Variants in CSMD1 observed in about 807,000 individuals in gnomAD.
CSMD1 encodes CUB and Sushi multiple domains 1.
CSMD1 carries 213 observed loss-of-function variants against 417.5 expected under a neutral mutation model. The ratio of observed to expected loss-of-function variants is 0.51; its 90% confidence interval spans 0.46 to 0.57. The LOEUF is 0.57. Ranked by LOEUF, CSMD1 falls within the 20% of genes least tolerant of loss-of-function variation. The pLI, the probability that CSMD1 is intolerant of heterozygous loss-of-function variation, is 0.00. For missense variants in CSMD1, 6,923 were observed against 4,529.7 expected, an observed-to-expected ratio of 1.53 and a Z score of -15.17; for synonymous variants, 2,862 against 1,736.8, an observed-to-expected ratio of 1.65 and a Z score of -16.11.
chr8:3,346,020 A>G (rs183371150), intron 22 of CSMD1, among the ~76,000 whole-genome samples: 79 of 152,264 alleles, frequency 5.2e-4, no homozygotes, highest in Non-Finnish European at 8.5e-4. Flanking sequence ...AGTCTTTATT[A>G]TTACATCACA....
intron 25 of CSMD1, among the ~76,000 whole-genome samples, chr8:3,305,519 C>T (rs1040218158): frequency 3.9e-5 from 6 of 152,018 alleles, no homozygotes; most frequent in African/African-American, 1.4e-4. Flanking sequence ...GAGGGAGCCC[C>T]TGATAAAAGG....
chr8:4,382,924 T>C lies in CSMD1; in HGVS notation c.415+37029A>G, dbSNP rs1404846157. On this transcript the variant is annotated intron_variant, in intron 3 of 69. Transcript: ENST00000635120. ...AATACCTAGTTAATAAGTGGGAAGGTGTACATTCATTTTATCACCTAAGCT... is the reference window on the plus strand; with the variant it reads ...AATACCTAGTTAATAAGTGGGAAGGCGTACATTCATTTTATCACCTAAGCT... Among the ~76,000 whole-genome samples the C allele has an allele frequency of 3.3e-5, 5 of 152,118 alleles. No individual in the cohort carries two copies. In the East Asian group the frequency reaches 9.6e-4, roughly 29 times the overall value.
chr8:3,471,486 T>C (rs1440452212), intron 11 of CSMD1, among the ~76,000 whole-genome samples: 1 of 95,528 alleles, frequency 1.0e-5, no homozygotes, highest in Non-Finnish European at 2.7e-5. Context: ...GCTTAGTTCC[T>C]TCCTTCTTTC....
chr8:4,179,127 C>T (rs573564200), intron 3 of CSMD1, among the ~76,000 whole-genome samples: 4 of 152,270 alleles, frequency 2.6e-5, no homozygotes, highest in Non-Finnish European at 4.4e-5. Context: ...CAAGTCAATC[C>T]TAAGCCAAAG....
chr8:4,965,937 T>A (rs1008749368), intron 1 of CSMD1, among the ~76,000 whole-genome samples: 1 of 152,156 alleles, frequency 6.6e-6, no homozygotes, highest in African/African-American at 2.4e-5. Flanking sequence ...TTGAGAATGA[T>A]CTCTCAACAT....
At chr8:4,878,840 T>C (rs1803212205) in intron 1 of CSMD1, among the ~76,000 whole-genome samples, 1 of 151,570 alleles carries the variant, frequency 6.6e-6, no homozygotes, top group South Asian at 2.1e-4. Context: ...ATTTTTAATA[T>C]GTCACCGAGA....
At chr8:2,978,149 A>G (rs777443862) in intron 55 of CSMD1, among the ~76,000 whole-genome samples, 1 of 152,218 alleles carries the variant, frequency 6.6e-6, no homozygotes, top group Non-Finnish European at 1.5e-5. Context: ...AAACCCAATC[A>G]GGTCTCACAG....
chr8:3,035,896 A>G (rs1810643138), intron 50 of CSMD1, among the ~76,000 whole-genome samples: 1 of 152,200 alleles, frequency 6.6e-6, no homozygotes, highest in Non-Finnish European at 1.5e-5. Flanking sequence ...AACAACTATA[A>G]AGGAATAATT....
intron 37 of CSMD1, among the ~76,000 whole-genome samples, chr8:3,174,912 CTA>C (rs1281548039): frequency 1.3e-5 from 2 of 151,898 alleles, no homozygotes; most frequent in African/African-American, 4.8e-5. Flanking sequence ...ACATGTTTGA[CTA>C]TGTATTTTTT....
intron 2 of CSMD1, among the ~76,000 whole-genome samples, chr8:4,607,806 C>A (rs1029577832): frequency 6.6e-6 from 1 of 152,140 alleles, no homozygotes; most frequent in African/African-American, 2.4e-5. Context: ...TGAGTGTGTA[C>A]TTTTCCCTTT....
At chr8:4,835,652 G>C (rs1038860878) in intron 1 of CSMD1, among the ~76,000 whole-genome samples, 1 of 152,080 alleles carries the variant, frequency 6.6e-6, no homozygotes, top group African/African-American at 2.4e-5. Context: ...GAAAGACATC[G>C]GTGAGTTTGC....
chr8:4,040,522 C>T (rs1289170826), intron 3 of CSMD1, among the ~76,000 whole-genome samples: 2 of 152,184 alleles, frequency 1.3e-5, no homozygotes, highest in Non-Finnish European at 2.9e-5. Flanking sequence ...ATGTGGCTAA[C>T]ATCAGAAGAG....
intron 12 of CSMD1, among the ~76,000 whole-genome samples, chr8:3,452,659 G>A (rs564429122): frequency 2.6e-5 from 4 of 152,168 alleles, no homozygotes; most frequent in Non-Finnish European, 5.9e-5. Flanking sequence ...GCATCCCAGG[G>A]ATGAAACCCA....
chr8:4,460,173 T>A (rs1054209547), intron 2 of CSMD1, among the ~76,000 whole-genome samples: 6 of 152,056 alleles, frequency 3.9e-5, no homozygotes, highest in Non-Finnish European at 8.8e-5. Context: ...TTATCTGAGC[T>A]CAATGCAAGA....
At chr8:4,957,564 T>G (rs1809201179) in intron 1 of CSMD1, among the ~76,000 whole-genome samples, 2 of 152,176 alleles carry the variant, frequency 1.3e-5, no homozygotes, top group South Asian at 4.1e-4. Context: ...ATCAGTGTCT[T>G]TGTAGACAAT....
At chr8:4,407,415 C>T (rs549471221) in intron 3 of CSMD1, among the ~76,000 whole-genome samples, 2 of 152,252 alleles carry the variant, frequency 1.3e-5, no homozygotes, top group East Asian at 3.9e-4. Context: ...TAGGTTGCTG[C>T]AAATTCAAAC....
chr8:4,316,069 A>G (rs933065516), intron 3 of CSMD1, among the ~76,000 whole-genome samples: 8 of 152,196 alleles, frequency 5.3e-5, no homozygotes, highest in African/African-American at 9.6e-5. Context: ...ATCCTTGAGT[A>G]GAAAATAAAA....
chr8:4,294,491 A>G (rs1214098399), intron 3 of CSMD1, among the ~76,000 whole-genome samples: 4 of 152,168 alleles, frequency 2.6e-5, no homozygotes, highest in African/African-American at 9.6e-5. Flanking sequence ...TGTTTCATTT[A>G]ACCTCAGGAT....
chr8:4,464,648 G>T (rs534728289), intron 2 of CSMD1, among the ~76,000 whole-genome samples: 1 of 152,080 alleles, frequency 6.6e-6, no homozygotes, highest in Non-Finnish European at 1.5e-5. Context: ...TTGAACCATG[G>T]TAAGTCAGGG....
Sources: gnomAD v4.1 joint callset for allele counts (sites outside exome capture counted in the v4.1 genomes callset) on GRCh38, gnomAD v4.1.1 for gene constraint, MANE v1.5 for transcripts, NCBI Gene and HGNC (gene_info 2026-07-23, HGNC 2026-07-21) for gene names.